Variants in RGL1 observed in about 807,000 individuals in gnomAD.
The protein encoded by RGL1 is ral guanine nucleotide dissociation stimulator-like 1.
RGL1 carries 24 observed loss-of-function variants against 95.2 expected under a neutral mutation model. The observed-to-expected ratio is 0.25, with a 90% CI of 0.18 to 0.35. RGL1 has a LOEUF of 0.35. Among genes scored for constraint, RGL1 ranks in the 10% least tolerant of loss-of-function variants. The pLI is 1.00. For missense variants in RGL1, 715 were observed against 936.3 expected, an observed-to-expected ratio of 0.76 and a Z score of 3.08; for synonymous variants, 329 against 344.9, an observed-to-expected ratio of 0.95 and a Z score of 0.51.
intron 1 of RGL1, among the ~76,000 whole-genome samples, chr1:183,651,114 C>T (rs1650718446): frequency 6.6e-6 from 1 of 152,112 alleles, no homozygotes; most frequent in African/African-American, 2.4e-5. Flanking sequence ...CCAAATTTTA[C>T]ATTTTTATGT....
intron 5 of RGL1, among the ~76,000 whole-genome samples, chr1:183,882,560 T>A (rs184343274): frequency 2.6e-5 from 4 of 152,226 alleles, no homozygotes; most frequent in African/African-American, 9.6e-5. Context: ...CTTTAGCTTG[T>A]ACCTGTTTGT....
At chr1:183,902,226 GC>G (rs1306730338) in intron 11 of RGL1, among the ~76,000 whole-genome samples, 1 of 152,134 alleles carries the variant, frequency 6.6e-6, no homozygotes, top group African/African-American at 2.4e-5. Flanking sequence ...TGTTTTAGTT[GC>G]TTTTGGTAAG....
intron 1 of RGL1, among the ~76,000 whole-genome samples, chr1:183,714,779 A>G (rs192280421): frequency 1.3e-5 from 2 of 152,286 alleles, no homozygotes; most frequent in Admixed American, 6.5e-5. Context: ...GTTAACAGAT[A>G]TTTGCACTGT....
intron 3 of RGL1, among the ~76,000 whole-genome samples, chr1:183,851,260 G>A (rs986433156): frequency 1.6e-4 from 25 of 152,176 alleles, no homozygotes; most frequent in African/African-American, 6.0e-4. Flanking sequence ...CTTCTGAAAT[G>A]AATGGAATTG....
intron 1 of RGL1, among the ~76,000 whole-genome samples, chr1:183,741,491 A>G (rs890744429): frequency 1.3e-5 from 2 of 152,246 alleles, no homozygotes; most frequent in African/African-American, 4.8e-5. Flanking sequence ...GTGCATAGCC[A>G]GTGAATATCA....
rs1167568037 is a variant in RGL1, at chr1:183,689,010, T to G, written c.-33+52509T>G. ...TAAATAACTTTACAGCAATTTTTCT[T>G]GATGTTATTTTATCCCTTAAAGGCA... On this transcript the variant is annotated intron_variant, in intron 1 of 18. Transcript: ENST00000304685. 2.0e-5 allele frequency among the ~76,000 whole-genome samples: 3 copies of G among 152,180 alleles called. No individual in the cohort carries two copies. In the East Asian group the frequency reaches 5.8e-4, roughly 29 times the overall value.
chr1:183,858,921 A>C (rs1358349335), intron 3 of RGL1, among the ~76,000 whole-genome samples: 1 of 152,252 alleles, frequency 6.6e-6, no homozygotes, highest in African/African-American at 2.4e-5. Context: ...GTTACAAAGC[A>C]TGTTTCATAA....
intron 3 of RGL1, among the ~76,000 whole-genome samples, chr1:183,862,446 G>A (rs938804413): frequency 5.9e-5 from 9 of 152,220 alleles, no homozygotes; most frequent in African/African-American, 1.9e-4. Flanking sequence ...AAGGTTACAG[G>A]CTCTTTCCTT....
At chr1:183,804,663 G>A (rs1216644800), upstream of RGL1, among the ~76,000 whole-genome samples, 2 of 152,332 alleles carry the variant, frequency 1.3e-5, no homozygotes, top group East Asian at 3.9e-4. Context: ...GCAGGAGAGG[G>A]TATAGCCCCT....
chr1:183,906,187 C>T (rs908740594), intron 13 of RGL1, among the ~76,000 whole-genome samples: 1 of 152,152 alleles, frequency 6.6e-6, no homozygotes, highest in Non-Finnish European at 1.5e-5. Flanking sequence ...CTCAGGTCTG[C>T]CCGGCTCTAC....
intron 2 of RGL1, among the ~76,000 whole-genome samples, chr1:183,834,920 C>T (rs187030560): frequency 7.9e-4 from 120 of 150,974 alleles, no homozygotes; most frequent in African/African-American, 2.3e-3. Flanking sequence ...TGACCTCAAG[C>T]GATCCTCCCA....
intron 1 of RGL1, among the ~76,000 whole-genome samples, chr1:183,728,551 T>A (rs1656440616): frequency 1.1e-5 from 1 of 90,424 alleles, no homozygotes; most frequent in African/African-American, 4.8e-5. Context: ...GTTTATAGAT[T>A]GGAAGACCTG....
intron 1 of RGL1, among the ~76,000 whole-genome samples, chr1:183,688,019 A>G (rs758135940): frequency 1.6e-4 from 24 of 152,176 alleles, no homozygotes; most frequent in Non-Finnish European, 3.1e-4. Flanking sequence ...AGCTGGCCAC[A>G]TGACCTTGGA....
chr1:183,901,578 C>T (rs1668028214), intron 11 of RGL1, among the ~76,000 whole-genome samples: 1 of 152,128 alleles, frequency 6.6e-6, no homozygotes, highest in South Asian at 2.1e-4. Flanking sequence ...GGTAGAGAGT[C>T]AGTCAAATTT....
At chr1:183,784,983 C>T (rs1424266967) in intron 2 of RGL1, among the ~76,000 whole-genome samples, 2 of 152,010 alleles carry the variant, frequency 1.3e-5, no homozygotes, top group African/African-American at 2.4e-5. Context: ...ATTAATTTCA[C>T]GTGTTTCTTT....
intron 1 of RGL1, among the ~76,000 whole-genome samples, chr1:183,671,072 G>A (rs1652415670): frequency 6.6e-6 from 1 of 152,212 alleles, no homozygotes; most frequent in Admixed American, 6.5e-5. Flanking sequence ...TGGCTGGAAG[G>A]AGAAGTGCTG....
chr1:183,904,123 G>T (rs1668182082), intron 12 of RGL1, among the ~76,000 whole-genome samples: 1 of 152,150 alleles, frequency 6.6e-6, no homozygotes, highest in African/African-American at 2.4e-5. Flanking sequence ...TGGAAAGTTT[G>T]ACTGTAAAAC....
intron 3 of RGL1, among the ~76,000 whole-genome samples, chr1:183,849,523 G>A (rs1664693140): frequency 9.0e-6 from 1 of 111,504 alleles, no homozygotes; most frequent in South Asian, 3.1e-4. Flanking sequence ...ATGGCATCTC[G>A]CTCTGTCTCC....
chr1:183,705,137 T>C (rs1654826997), intron 1 of RGL1, among the ~76,000 whole-genome samples: 1 of 152,076 alleles, frequency 6.6e-6, no homozygotes, highest in African/African-American at 2.4e-5. Context: ...TTTAGTGGCT[T>C]GGTATAACGG....
Sources: allele counts gnomAD v4.1 joint callset (sites outside exome capture counted in the v4.1 genomes callset), GRCh38; gene constraint gnomAD v4.1.1; transcripts MANE v1.5; gene names NCBI Gene and HGNC (gene_info 2026-07-23, HGNC 2026-07-21).